MTUS2: variants seen among roughly 807,000 people sequenced by gnomAD.
MTUS2 encodes microtubule associated scaffold protein 2, also known as microtubule-associated tumor suppressor candidate 2.
In MTUS2, 40 loss-of-function variants were observed where a neutral mutation model predicts 114.1. The ratio of observed to expected loss-of-function variants is 0.35; its 90% CI spans 0.27 to 0.46. The LOEUF (loss-of-function observed/expected upper bound fraction) is 0.46. Ranked by LOEUF, MTUS2 falls within the 20% of genes least tolerant of loss-of-function variation. The pLI, the probability that MTUS2 is intolerant of heterozygous loss-of-function variation, is 1.00. For missense variants in MTUS2, 1,679 were observed against 1,705.4 expected, an observed-to-expected ratio of 0.98 and a Z score of 0.27; for synonymous variants, 688 against 672.0, an observed-to-expected ratio of 1.02 and a Z score of -0.37.
intron 2 of MTUS2, among the ~76,000 whole-genome samples, chr13:28,968,139 A>G (rs537812255): frequency 6.6e-6 from 1 of 152,186 alleles, no homozygotes; most frequent in East Asian, 1.9e-4. Context: ...AGTGATTCTG[A>G]TTTTTTGAGG....
chr13:29,123,836 A>ATGG (rs1375341211), intron 5 of MTUS2, among the ~76,000 whole-genome samples: 3 of 152,220 alleles, frequency 2.0e-5, no homozygotes, highest in Non-Finnish European at 4.4e-5. Flanking sequence ...TTCTCAGAAC[A>ATGG]TGGTGGTAGT....
chr13:28,996,634 T>G (rs1018338751), intron 2 of MTUS2, among the ~76,000 whole-genome samples: 54 of 152,194 alleles, frequency 3.5e-4, no homozygotes, highest in Admixed American at 1.4e-3. Flanking sequence ...TGGGAGGGTG[T>G]ATGTGTCAAG....
At chr13:29,090,285 C>T (rs1033354097) in intron 4 of MTUS2, among the ~76,000 whole-genome samples, 2 of 152,178 alleles carry the variant, frequency 1.3e-5, no homozygotes, top group East Asian at 3.9e-4. Context: ...CCCTTGAGGT[C>T]AGGCATCTCC....
At chr13:28,997,241 T>C (rs1885155132) in intron 2 of MTUS2, among the ~76,000 whole-genome samples, 1 of 152,236 alleles carries the variant, frequency 6.6e-6, no homozygotes, top group Non-Finnish European at 1.5e-5. Flanking sequence ...CTAGTTTGAT[T>C]GCACTGTGGT....
chr13:29,212,988 A>G (rs1198369171), intron 5 of MTUS2, among the ~76,000 whole-genome samples: 1 of 152,142 alleles, frequency 6.6e-6, no homozygotes, highest in East Asian at 1.9e-4. Flanking sequence ...AAAACTATCC[A>G]GGAACCACCA....
intron 7 of MTUS2, among the ~76,000 whole-genome samples, chr13:29,345,283 G>T: frequency 6.6e-6 from 1 of 151,984 alleles, no homozygotes; most frequent in East Asian, 1.9e-4. Context: ...TCCTTTCTCA[G>T]AAACACCAAT....
At position 29,181,247 on chromosome 13, in the gene MTUS2, G is replaced by A. The variant is rs934668293; in HGVS notation, c.2644+80277G>A. On this transcript the variant is annotated intron_variant, in intron 5 of 15. Transcript: ENST00000612955. The stretch of plus-strand genomic sequence containing the variant: ...GTAACCCTATCAGCCACTGGTAGCA[G>A]CAGGCATCCTCCGATGTGCCTATCA... Among the ~76,000 whole-genome samples, 8 of 151,996 alleles carry A rather than the reference G, an allele frequency of 5.3e-5. No homozygotes were observed. The South Asian group carries it at 1.0e-3, about 20-fold the overall frequency.
intron 2 of MTUS2, among the ~76,000 whole-genome samples, chr13:28,862,645 A>C (rs1021285266): frequency 6.6e-6 from 1 of 152,134 alleles, no homozygotes; most frequent in South Asian, 2.1e-4. Context: ...CCCTCTACAC[A>C]CAAGTTGTTG....
At chr13:28,839,690 G>A (rs1346975435) in intron 1 of MTUS2, 88 bp from the exon 2 acceptor site, 1 of 152,134 alleles carries the variant, frequency 6.6e-6, no homozygotes, top group Non-Finnish European at 1.5e-5. Context: ...TTATGTTTTG[G>A]TGAGAAGACC....
At chr13:28,988,279 ACTTGAG>A (rs1884677304) in intron 2 of MTUS2, among the ~76,000 whole-genome samples, 1 of 152,306 alleles carries the variant, frequency 6.6e-6, no homozygotes, top group Middle Eastern at 3.4e-3. Context: ...GATGTCCAAG[ACTTGAG>A]CTCAGCTATT....
At chr13:29,460,573 C>T (rs1376900816) in intron 9 of MTUS2, among the ~76,000 whole-genome samples, 1 of 152,238 alleles carries the variant, frequency 6.6e-6, no homozygotes, top group African/African-American at 2.4e-5. Context: ...TCCATGTTCT[C>T]TCCCTTTTCT....
chr13:28,888,763 C>T (rs937454768), intron 2 of MTUS2, among the ~76,000 whole-genome samples: 2 of 152,122 alleles, frequency 1.3e-5, no homozygotes, highest in African/African-American at 4.8e-5. Flanking sequence ...GATTATTATT[C>T]TGCCTGCAAA....
At chr13:28,902,979 A>G (rs565335473) in intron 2 of MTUS2, among the ~76,000 whole-genome samples, 1 of 152,114 alleles carries the variant, frequency 6.6e-6, no homozygotes, top group East Asian at 1.9e-4. Context: ...TTTTTACCTG[A>G]TGAATTAAAC....
chr13:29,490,582 G>C (rs901363171), intron 11 of MTUS2, among the ~76,000 whole-genome samples: 1 of 152,230 alleles, frequency 6.6e-6, no homozygotes, highest in Non-Finnish European at 1.5e-5. Context: ...CACTTTTCAC[G>C]GAACAGAATT....
chr13:29,000,944 G>T (rs4110547), intron 2 of MTUS2, among the ~76,000 whole-genome samples: 66,130 of 152,052 alleles, frequency 0.43, 14,973 homozygotes, highest in East Asian at 0.68. Context: ...AAAGTGCAGA[G>T]ATGGTTGTTC....
chr13:29,479,969 T>C (rs1881027467), intron 9 of MTUS2, 181 bp from the exon 10 acceptor site: 1 of 546,616 alleles, frequency 1.8e-6, no homozygotes, highest in African/African-American at 1.9e-5. Context: ...ACATCCAGGG[T>C]CTGTTGTGAG....
intron 5 of MTUS2, among the ~76,000 whole-genome samples, chr13:29,244,372 T>C (rs1896834540): frequency 1.3e-5 from 2 of 152,236 alleles, no homozygotes; most frequent in East Asian, 1.9e-4. Flanking sequence ...GACAGGGTGG[T>C]AGATTCTGAA....
chr13:29,376,840 T>C (rs1871788022), intron 8 of MTUS2, among the ~76,000 whole-genome samples: 1 of 152,120 alleles, frequency 6.6e-6, no homozygotes, highest in African/African-American at 2.4e-5. Context: ...GTGGCAATAA[T>C]GACTATAAAA....
At chr13:29,276,633 C>T (rs1898073311) in intron 5 of MTUS2, among the ~76,000 whole-genome samples, 1 of 152,172 alleles carries the variant, frequency 6.6e-6, no homozygotes, top group Non-Finnish European at 1.5e-5. Flanking sequence ...CACGGTGGCT[C>T]ATGCCTGTAA....
Sources: gnomAD v4.1 joint callset for allele counts (sites outside exome capture counted in the v4.1 genomes callset) on GRCh38, gnomAD v4.1.1 for gene constraint, MANE v1.5 for transcripts, NCBI Gene and HGNC (gene_info 2026-07-23, HGNC 2026-07-21) for gene names.